The following ASAP3 variants were observed in gnomAD, a reference collection of about 807,000 sequenced individuals.
ASAP3 encodes the protein arf-GAP with SH3 domain, ANK repeat and PH domain-containing protein 3.
A neutral mutation model predicts 118.2 loss-of-function variants in ASAP3; 85 were observed. That is an observed-to-expected ratio of 0.72 (90% confidence interval 0.60 to 0.86). The LOEUF (loss-of-function observed/expected upper bound fraction) is 0.86, where lower values mean the gene tolerates loss of function less well. ASAP3 is among the 40% of genes least tolerant of loss of function. The pLI is 0.00. For synonymous variants in ASAP3, 432 were observed against 477.4 expected (o/e 0.90, Z 1.24); for missense variants, 1,026 against 1,175.0 (o/e 0.87, Z 1.85).
intron 1 of ASAP3, among the ~76,000 whole-genome samples, chr1:23,483,331 G>A (rs1231170817): frequency 1.3e-5 from 2 of 152,230 alleles, no homozygotes; most frequent in African/African-American, 2.4e-5. Flanking sequence ...GAAAGCTGCA[G>A]CAGGTTCAGA....
intron 23 of ASAP3, 27 bp from the exon 24 acceptor site, chr1:23,431,152 AC>A: frequency 6.4e-7 from 1 of 1,561,718 alleles, no homozygotes; most frequent in Non-Finnish European, 8.7e-7. Flanking sequence ...GGCCAACATG[AC>A]CCTCATGTCC....
chr1:23,434,724 C>T, intron 17 of ASAP3, 106 bp from the exon 18 acceptor site: 1 of 1,086,892 alleles, frequency 9.2e-7, no homozygotes, highest in Non-Finnish European at 1.4e-6. Context: ...CCATAGGAAG[C>T]TGCCAGAACC....
Position 23,431,912 on chromosome 1 carries a change from G to C in ASAP3, c.2330C>G (p.Ser777Cys). Reference protein sequence around the residue: ...GCARHASGDRSEVSSLSSEAP... With the variant: ...GCARHASGDRCEVSSLSSEAP... ...CTCTGAACTCAGGCTGGAGACTTCA[G>C]AACGATCTGGAATCAGAAACATCAG... The change falls in exon 23 of 25, where the codon TCT (serine) becomes TGT (cysteine). Residue 777 changes from serine (S) to cysteine (C), a missense_variant. Ser to Cys is a moderately radical substitution (Grantham distance 112, BLOSUM62 -1). Transcript: ENST00000336689. The C allele has an allele frequency of 6.2e-7, 1 of 1,613,220 alleles. No homozygotes were observed. Among genetic ancestry groups the C allele is most frequent in the South Asian group, 1.1e-5 (1 of 91,028 alleles).
intron 1 of ASAP3, among the ~76,000 whole-genome samples, chr1:23,459,650 A>G (rs902352362): frequency 3.3e-5 from 5 of 152,218 alleles, no homozygotes; most frequent in Non-Finnish European, 7.3e-5. Context: ...GAAAGACATG[A>G]ACAAGCCCCA....
rs1641498040 is a variant in ASAP3 at position 23,459,488 on chromosome 1, C to T, written c.130-3294G>A. Among the ~76,000 whole-genome samples, 3 of 152,166 alleles carry T rather than the reference C, an allele frequency of 2.0e-5. No individual in the cohort carries two copies. The South Asian group carries it at 6.2e-4, about 32-fold the overall frequency. On this transcript the variant is annotated intron_variant, in intron 1 of 24. Coordinates refer to ENST00000336689, the MANE Select transcript of ASAP3 (RefSeq NM_017707.4). ...TGGTTCAAGCTAAACCAATCAGATT[C>T]TCTCTCCCACCTGACCCAAGCTGGA... is the stretch of plus-strand genomic sequence containing the variant.
intron 3 of ASAP3, among the ~76,000 whole-genome samples, 191 bp from the exon 4 acceptor site, chr1:23,452,962 G>C (rs1641269659): frequency 6.6e-6 from 1 of 152,032 alleles, no homozygotes; most frequent in African/African-American, 2.4e-5. Flanking sequence ...TGAGCCTGCG[G>C]GGGGGGACTA....
intron 5 of ASAP3, among the ~76,000 whole-genome samples, chr1:23,450,564 C>CT (rs112922235): frequency 0.033 from 4,706 of 142,080 alleles, 105 homozygotes; most frequent in Non-Finnish European, 0.048. Flanking sequence ...CCCATCCAAC[C>CT]TTTTTTTTTT....
rs1640908638 is a variant in ASAP3, at chr1:23,442,498, T to G, written c.585+3A>C. On this transcript the variant is annotated splice_donor_region_variant and intron_variant, in intron 6 of 24. Coordinates refer to ENST00000336689, the MANE Select transcript of ASAP3 (RefSeq NM_017707.4). ...CCCCTCCCTCATCCAGAGCACCCCTTACCTCACACATGTGCAGCTGGAAGA... is the reference window on the plus strand; with the variant it reads ...CCCCTCCCTCATCCAGAGCACCCCTGACCTCACACATGTGCAGCTGGAAGA... 9 of 1,613,402 alleles carry G rather than the reference T, an allele frequency of 5.6e-6. No individual in the cohort carries two copies. The East Asian group carries it at 2.0e-4, about 36-fold the overall frequency.
intron 4 of ASAP3, among the ~76,000 whole-genome samples, 189 bp from the exon 5 acceptor site, chr1:23,451,717 A>G (rs1223064660): frequency 6.6e-6 from 1 of 151,822 alleles, no homozygotes; most frequent in Non-Finnish European, 1.5e-5. Context: ...AGCTGACCCC[A>G]TTTCTCAGAG....
At chr1:23,476,583 G>C (rs542168466) in intron 1 of ASAP3, among the ~76,000 whole-genome samples, 1 of 152,244 alleles carries the variant, frequency 6.6e-6, no homozygotes, top group Non-Finnish European at 1.5e-5. Context: ...TACAGCAACT[G>C]ATATGATCTT....
At position 23,438,429 on chromosome 1, in the gene ASAP3, C is replaced by A. The variant is rs887227588; in HGVS notation, c.1102+318G>T. Among the ~76,000 whole-genome samples, 1 of 152,076 alleles carries A rather than the reference C, an allele frequency of 6.6e-6. No individual in the cohort carries two copies. Among genetic ancestry groups the A allele is most frequent in the African/African-American group, 2.4e-5 (1 of 41,380 alleles). ...AAATGTAAAGAAACAATAATTTCATCTCCTTCAAGTCTGGGTATTTGGGAA... is the reference window on the plus strand; with the variant it reads ...AAATGTAAAGAAACAATAATTTCATATCCTTCAAGTCTGGGTATTTGGGAA... On this transcript the variant is annotated intron_variant, in intron 12 of 24. Transcript: ENST00000336689. The surrounding 1 kb of genome is among the most constrained non-coding windows in gnomAD (Gnocchi z 4.9).
intron 10 of ASAP3, among the ~76,000 whole-genome samples, chr1:23,440,855 CAA>C (rs35532104): frequency 0.026 from 2,867 of 109,894 alleles, 84 homozygotes; most frequent in African/African-American, 0.087. Flanking sequence ...GACTCTATCT[CAA>C]AAAAAAAAAA....
chr1:23,443,254 G>A (rs545685443), intron 5 of ASAP3, among the ~76,000 whole-genome samples: 4 of 152,228 alleles, frequency 2.6e-5, no homozygotes, highest in Admixed American at 2.0e-4. Context: ...GTTTTGTTTC[G>A]TGGATATACT....
chr1:23,431,934 T>C lies in ASAP3; in HGVS notation c.2324-16A>G, dbSNP rs146962112. 7.9e-3 allele frequency: 12,737 copies of C among 1,609,696 alleles called. 43 individuals carry two copies. Among genetic ancestry groups the C allele is most frequent in the Non-Finnish European group, 9.7e-3 (11,366 of 1,177,784 alleles). On this transcript the variant is annotated splice_polypyrimidine_tract_variant and intron_variant, in intron 22 of 24. Coordinates refer to ENST00000336689, the MANE Select transcript of ASAP3 (RefSeq NM_017707.4). ...TCAGAACGATCTGGAATCAGAAACA[T>C]CAGAAATGATAAAGCTTTTCTTTAT...
intron 24 of ASAP3, among the ~76,000 whole-genome samples, chr1:23,430,451 C>G (rs887832831): frequency 6.6e-6 from 1 of 152,212 alleles, no homozygotes; most frequent in East Asian, 1.9e-4. Context: ...CAGGGAGAAG[C>G]TGGATTAAGG....
intron 1 of ASAP3, among the ~76,000 whole-genome samples, chr1:23,466,068 T>C (rs1003879642): frequency 6.6e-6 from 1 of 152,076 alleles, no homozygotes; most frequent in African/African-American, 2.4e-5. Flanking sequence ...ATACAAACAC[T>C]GTAAAGGATG....
chr1:23,467,865 C>A (rs1641824613), intron 1 of ASAP3, among the ~76,000 whole-genome samples: 1 of 149,906 alleles, frequency 6.7e-6, no homozygotes, highest in Admixed American at 6.7e-5. Context: ...AGGCAGAGAA[C>A]TGCTTGAACC....
chr1:23,433,537 C>T lies in ASAP3; in HGVS notation c.2020-5G>A. 1 of 1,614,168 alleles carries T rather than the reference C, an allele frequency of 6.2e-7. No individual in the cohort carries two copies. Among genetic ancestry groups the T allele is most frequent in the Non-Finnish European group, 8.5e-7 (1 of 1,180,024 alleles). On this transcript the variant is annotated splice_polypyrimidine_tract_variant and splice_region_variant and intron_variant, in intron 20 of 24. Coordinates refer to ENST00000336689, the MANE Select transcript of ASAP3 (RefSeq NM_017707.4). The stretch of plus-strand genomic sequence containing the variant: ...CCCCGCCTGGGCCTGCTCCAGCTGC[C>T]AAAAACAAAGGCTTGGTGGTTCAGA...
rs375960745 is a variant in ASAP3 at position 23,456,129 on chromosome 1, G to A, written c.195C>T (p.Ser65=). ...IKKAVRAIHS[S]GLGHVENEEQ... The stretch of plus-strand genomic sequence containing the variant: ...CCCAGGAGGCTCACTTACCAAGGCC[G>A]GAGCTATGGATTGCCCGCACAGCCT... Residue 65 remains serine, a synonymous_variant, in exon 2 of 25, where the codon TCC becomes TCT. Coordinates refer to ENST00000336689, the MANE Select transcript of ASAP3 (RefSeq NM_017707.4). 1.9e-5 allele frequency: 30 copies of A among 1,614,134 alleles called. No individual in the cohort carries two copies. The highest frequency in any genetic ancestry group is 4.4e-5 in the South Asian group (4 of 91,078).
Sources: gnomAD v4.1 joint callset for allele counts (sites outside exome capture counted in the v4.1 genomes callset) on GRCh38, gnomAD v4.1.1 for gene constraint, Gnocchi (gnomAD v3.1) non-coding constraint, MANE v1.5 for transcripts, NCBI Gene and HGNC (gene_info 2026-07-23, HGNC 2026-07-21) for gene names.